Variants in ZNF608 observed in about 807,000 individuals in gnomAD.
The protein encoded by ZNF608 is zinc finger protein 608.
Under a neutral mutation model 109.0 loss-of-function variants are expected in ZNF608, and 12 were observed. The observed-to-expected ratio is 0.11, with a 90% CI of 0.07 to 0.18. ZNF608 has a LOEUF of 0.18. Among genes scored for constraint, ZNF608 ranks in the 10% least tolerant of loss-of-function variants. The probability of loss-of-function intolerance (pLI) is 1.00; values close to 1 mark genes in which losing one functional copy is unlikely to be tolerated. For synonymous variants in ZNF608, 732 were observed against 717.4 expected, an observed-to-expected ratio of 1.02 and a Z score of -0.33; for missense variants, 1,707 against 1,879.3, an observed-to-expected ratio of 0.91 and a Z score of 1.70.
chr5:124,671,830 G>GT (rs1342106032), intron 3 of ZNF608, among the ~76,000 whole-genome samples: 1 of 151,780 alleles, frequency 6.6e-6, no homozygotes, highest in Admixed American at 6.6e-5. Context: ...AGAGATGGGG[G>GT]TCTCCCTATG....
intron 3 of ZNF608, among the ~76,000 whole-genome samples, chr5:124,678,139 A>G (rs2149821412): frequency 6.6e-6 from 1 of 152,290 alleles, no homozygotes; most frequent in South Asian, 2.1e-4. Context: ...AAGTTCAATT[A>G]GAGAGTTCTT....
intron 2 of ZNF608, among the ~76,000 whole-genome samples, chr5:124,731,781 G>T (rs891347921): frequency 6.6e-6 from 1 of 152,026 alleles, no homozygotes; most frequent in Admixed American, 6.6e-5. Flanking sequence ...AGCCGAGATC[G>T]TGCCACTGCA....
At chr5:124,712,154 A>T (rs949180652) in intron 2 of ZNF608, among the ~76,000 whole-genome samples, 1 of 152,106 alleles carries the variant, frequency 6.6e-6, no homozygotes, top group African/African-American at 2.4e-5. Context: ...CACAAAACAT[A>T]AAAAAAGAAG....
chr5:124,655,067 T>C (rs1750948240), intron 3 of ZNF608, among the ~76,000 whole-genome samples: 1 of 152,192 alleles, frequency 6.6e-6, no homozygotes. Context: ...ACCTAGGAAC[T>C]AACTACACGA....
At chr5:124,685,029 T>C (rs1393090440) in intron 3 of ZNF608, among the ~76,000 whole-genome samples, 1 of 152,256 alleles carries the variant, frequency 6.6e-6, no homozygotes, top group African/African-American at 2.4e-5. Flanking sequence ...TCAGAGGATC[T>C]TAATAAACAC....
In ZNF608 at chr5:124,744,594, G is replaced by C. The variant is rs769974099; in HGVS notation, c.396C>G (p.Ser132Arg). Residue 132 changes from serine to arginine, a missense_variant, in exon 2 of 10, where the codon AGC (serine) becomes AGG (arginine). By Grantham distance (110) the Ser-to-Arg change is moderately radical (BLOSUM62 -1). This residue lies in a region of ZNF608 where 407 missense variants were observed against 398.7 expected (regional missense o/e 1.02). Transcript: ENST00000513986. The surrounding 1 kb of genome is among the most constrained non-coding windows in gnomAD (Gnocchi z 4.5). ...CTTGGACTTCCTGCCTCTTGCCAGT[G>C]CTGCTGATCTCGGGAATCCCATACA... ...AALYGIPEIS[S>R]TGKRQEVQGR... 1.9e-6 allele frequency: 3 copies of C among 1,614,110 alleles called. No individual in the cohort carries two copies. The African/African-American group carries it at 4.0e-5, about 22-fold the overall frequency.
intron 3 of ZNF608, among the ~76,000 whole-genome samples, chr5:124,677,394 A>G (rs1305612165): frequency 6.6e-6 from 1 of 152,212 alleles, no homozygotes; most frequent in Non-Finnish European, 1.5e-5. Flanking sequence ...CTCCTCTTCA[A>G]CTGAACACAC....
At chr5:124,724,335 T>C (rs1405908399) in intron 2 of ZNF608, among the ~76,000 whole-genome samples, 1 of 152,064 alleles carries the variant, frequency 6.6e-6, no homozygotes, top group East Asian at 1.9e-4. Context: ...CTTTTCATTA[T>C]ATAACATTTT....
intron 2 of ZNF608, among the ~76,000 whole-genome samples, chr5:124,722,423 G>C (rs1476146496): frequency 6.6e-6 from 1 of 152,002 alleles, no homozygotes; most frequent in South Asian, 2.1e-4. Flanking sequence ...TGTATTTACC[G>C]GCTGTAAATA....
At chr5:124,733,215 CTCTTT>C (rs991064637) in intron 2 of ZNF608, among the ~76,000 whole-genome samples, 2 of 143,956 alleles carry the variant, frequency 1.4e-5, no homozygotes, top group African/African-American at 5.3e-5. Flanking sequence ...CTATCTCTCT[CTCTTT>C]TTTTTTTTTT....
At chr5:124,716,602 A>G (rs1753713759) in intron 2 of ZNF608, among the ~76,000 whole-genome samples, 2 of 152,210 alleles carry the variant, frequency 1.3e-5, no homozygotes, top group South Asian at 4.1e-4. Context: ...TAAATCTTAC[A>G]TGACTTTTGT....
chr5:124,744,689 T>A lies in ZNF608; in HGVS notation c.301A>T (p.Thr101Ser), dbSNP rs61749626. 2,775 of 1,614,186 alleles carry A rather than the reference T, an allele frequency of 1.7e-3. 2 individuals carry two copies. Among genetic ancestry groups the A allele is most frequent in the South Asian group, 3.1e-3 (278 of 91,084 alleles). The change falls in exon 2 of 10, where the codon ACC becomes TCC. Residue 101 changes from threonine (T) to serine (S), a missense_variant. Physicochemically the swap from Thr to Ser is moderately conservative, Grantham distance 58. Transcript: ENST00000513986. This position sits in a 1 kb window ranked among gnomAD's most constrained non-coding sequence, Gnocchi z 4.5. ...CTCCTTTTCACTTTTGATTTGCTGG[T>A]CTCTTTGTGTGAATTCCCCTGGGGA... ...SAPQGNSHKE[T>S]SKSKVKRSKT... is the part of the protein sequence containing the mutation.
intron 2 of ZNF608, among the ~76,000 whole-genome samples, chr5:124,716,142 C>CTAAAA (rs1753692468): frequency 1.4e-5 from 1 of 73,968 alleles, no homozygotes; most frequent in South Asian, 4.9e-4. Context: ...GAATCCGTCT[C>CTAAAA]AAAAAAAAAA....
At chr5:124,704,685 T>A (rs1035917633) in intron 2 of ZNF608, among the ~76,000 whole-genome samples, 2 of 152,166 alleles carry the variant, frequency 1.3e-5, no homozygotes, top group Admixed American at 1.3e-4. Context: ...CCCACATTCC[T>A]CATGGCATCA....
chr5:124,706,242 T>G (rs1212364821), intron 2 of ZNF608, among the ~76,000 whole-genome samples: 1 of 152,188 alleles, frequency 6.6e-6, no homozygotes, highest in Non-Finnish European at 1.5e-5. Flanking sequence ...CTCTGGGGAA[T>G]CAGTGCCTTC....
intron 2 of ZNF608, among the ~76,000 whole-genome samples, chr5:124,711,528 G>A (rs1476994658): frequency 6.6e-6 from 1 of 152,196 alleles, no homozygotes; most frequent in African/African-American, 2.4e-5. Flanking sequence ...GTGAGTCCAA[G>A]GTGGCATAAG....
In ZNF608 at chr5:124,649,119, G is replaced by A. The variant is rs1750673489; in HGVS notation, c.1265C>T (p.Pro422Leu). The A allele has an allele frequency of 1.0e-5, 16 of 1,563,928 alleles. No homozygotes were observed. The highest frequency in any genetic ancestry group is 2.2e-5 in the East Asian group (1 of 44,564). Residue 422 changes from proline to leucine, a missense_variant, in exon 5 of 10, where the codon CCG becomes CTG. By Grantham distance (98) the Pro-to-Leu change is moderately conservative. Transcript: ENST00000513986. The stretch of plus-strand genomic sequence containing the variant: ...CCCTCTCATCTCCAGGTCACTTGTC[G>A]GTGACTCACAAAACCTATGGAAGCA... ...DWAPPRFCES[P>L]TSDLEMRGGR...
At chr5:124,695,554 CAGGGGTTCG>C (rs1752812080) in intron 3 of ZNF608, among the ~76,000 whole-genome samples, 1 of 151,842 alleles carries the variant, frequency 6.6e-6, no homozygotes, top group Non-Finnish European at 1.5e-5. Context: ...TGCTTGAGCC[CAGGGGTTCG>C]AGACTAGCAT....
intron 2 of ZNF608, among the ~76,000 whole-genome samples, chr5:124,728,520 G>A (rs1469868211): frequency 2.0e-5 from 3 of 151,950 alleles, no homozygotes; most frequent in Non-Finnish European, 4.4e-5. Flanking sequence ...CCTATCTTAC[G>A]CAGATTTTCC....
Sources: gnomAD v4.1 joint callset for allele counts (sites outside exome capture counted in the v4.1 genomes callset) on GRCh38, gnomAD v4.1.1 for gene constraint, gnomAD v4.1.1 regional missense constraint, Gnocchi (gnomAD v3.1) non-coding constraint, MANE v1.5 for transcripts, NCBI Gene and HGNC (gene_info 2026-07-23, HGNC 2026-07-21) for gene names.